Variants in BLK observed in about 807,000 individuals in gnomAD.
BLK encodes tyrosine-protein kinase Blk.
BLK carries 64 observed loss-of-function variants against 61.8 expected under a neutral mutation model. That is an observed-to-expected ratio of 1.03 (90% CI 0.85 to 1.27). The LOEUF is 1.27. Ranked by LOEUF, BLK falls within the 50% of genes most tolerant of loss-of-function variation. The pLI is 0.00. For missense variants in BLK, 853 were observed against 660.5 expected (o/e 1.29, Z -3.19); for synonymous variants, 351 against 272.0 (o/e 1.29, Z -2.86).
intron 9 of BLK, among the ~76,000 whole-genome samples, chr8:11,557,485 C>A (rs1801290372): frequency 6.6e-6 from 1 of 152,232 alleles, no homozygotes; most frequent in African/African-American, 2.4e-5. Flanking sequence ...CTTTCTGATT[C>A]CAGGGGGAGC....
At chr8:11,512,198 G>A (rs1799037582) in intron 1 of BLK, among the ~76,000 whole-genome samples, 1 of 152,218 alleles carries the variant, frequency 6.6e-6, no homozygotes. Flanking sequence ...AAGAAGGGAT[G>A]ACTTAATGGG....
In BLK at chr8:11,563,050, G is replaced by A. The variant is rs373565757; in HGVS notation, c.1252G>A (p.Val418Met). ...HFGVFTIKADVWSFGVLLMEV... is the reference protein window; with the variant it reads ...HFGVFTIKADMWSFGVLLMEV... ...CGGGGTCTTCACCATCAAAGCAGAC[G>A]TGTGGTCGTTTGGAGTCCTCCTGAT... is the stretch of plus-strand genomic sequence containing the variant. Residue 418 changes from valine to methionine, a missense_variant, in exon 12 of 13, where the codon GTG becomes ATG. Coordinates refer to ENST00000259089, the MANE Select transcript of BLK (RefSeq NM_001715.3). 1.2e-5 allele frequency: 19 copies of A among 1,614,156 alleles called. No individual in the cohort carries two copies. Among genetic ancestry groups the A allele is most frequent in the Admixed American group, 1.7e-5 (1 of 60,030 alleles).
At chr8:11,527,886 C>T (rs1799725713) in intron 1 of BLK, among the ~76,000 whole-genome samples, 2 of 152,082 alleles carry the variant, frequency 1.3e-5, no homozygotes, top group Admixed American at 1.3e-4. Context: ...CACATGACTC[C>T]TGAGCAGTAA....
At chr8:11,513,024 ATTAT>A (rs1799078747) in intron 1 of BLK, among the ~76,000 whole-genome samples, 1 of 152,348 alleles carries the variant, frequency 6.6e-6, no homozygotes, top group Non-Finnish European at 1.5e-5. Context: ...TTCTAAAAGA[ATTAT>A]TTATTCATGG....
At chr8:11,520,894 T>G (rs939061352) in intron 1 of BLK, among the ~76,000 whole-genome samples, 2 of 152,140 alleles carry the variant, frequency 1.3e-5, no homozygotes, top group Non-Finnish European at 2.9e-5. Context: ...GCAATGCCAA[T>G]TCTCCAAAAA....
At chr8:11,563,243 G>C in intron 12 of BLK, 133 bp downstream of exon 12, 1 of 1,336,064 alleles carries the variant, frequency 7.5e-7, no homozygotes, top group African/African-American at 1.5e-5. Context: ...GGAGACCCAG[G>C]CATGGCATCT....
chr8:11,549,252 G>A (rs1585398657), intron 5 of BLK, 130 bp downstream of exon 5: 2 of 823,482 alleles, frequency 2.4e-6, no homozygotes, highest in East Asian at 5.3e-5. Flanking sequence ...GAGGGGACAG[G>A]AAATGAGCTC....
Position 11,564,200 on chromosome 8 carries a change from G to C in BLK, c.*92G>C, listed in dbSNP as rs14053. The C allele has an allele frequency of 0.013, 18,099 of 1,427,282 alleles. 790 individuals carry two copies. In the African/African-American group the frequency reaches 0.14, roughly 11 times the overall value. 88.4% of individuals were successfully genotyped at this position (1,427,282 alleles called of 1,614,324 possible). A position where few individuals can be genotyped will look rare whatever the true frequency, so the allele number is the denominator to read the frequency against. On this transcript the variant is annotated 3_prime_UTR_variant, in exon 13 of 13. Coordinates refer to ENST00000259089, the MANE Select transcript of BLK (RefSeq NM_001715.3). Reference sequence around the variant, plus strand: ...AGACGGGCCGCGAAGGCGGGGTGTCGCCTGTGCCCTTTTCTCAGACCCGGA... The same window carrying C: ...AGACGGGCCGCGAAGGCGGGGTGTCCCCTGTGCCCTTTTCTCAGACCCGGA...
intron 1 of BLK, among the ~76,000 whole-genome samples, chr8:11,522,218 C>A (rs1319903352): frequency 6.6e-6 from 1 of 151,966 alleles, no homozygotes; most frequent in African/African-American, 2.4e-5. Flanking sequence ...TCTAAATGGT[C>A]AAAATATATG....
At position 11,555,405 on chromosome 8, in the gene BLK, G is replaced by T. The variant is rs111642844; in HGVS notation, c.693G>T (p.Gln231His). The T allele has an allele frequency of 6.2e-7, 1 of 1,614,190 alleles. No individual in the cohort carries two copies. Among genetic ancestry groups the T allele is most frequent in the Non-Finnish European group, 8.5e-7 (1 of 1,180,034 alleles). ...CGGCCCCGCAGAATCCCTGGGCCCA[G>T]GATGAATGGGAGATCCCCCGGCAGT... is the stretch of plus-strand genomic sequence containing the variant. Reference protein sequence around the residue: ...VRPAPQNPWAQDEWEIPRQSL... With the variant: ...VRPAPQNPWAHDEWEIPRQSL... The change falls in exon 8 of 13, where the codon CAG (glutamine) becomes CAT (histidine). Residue 231 changes from glutamine to histidine, a missense_variant. By Grantham distance (24) the Gln-to-His change is conservative. Coordinates refer to ENST00000259089, the MANE Select transcript of BLK (RefSeq NM_001715.3).
At chr8:11,540,796 A>C (rs1340779185) in intron 1 of BLK, among the ~76,000 whole-genome samples, 1 of 151,868 alleles carries the variant, frequency 6.6e-6, no homozygotes, top group Admixed American at 6.6e-5. Flanking sequence ...TTCACAACTG[A>C]GTTCTATTTA....
At position 11,542,667 on chromosome 8, in the gene BLK, T is replaced by A. The variant is rs774065342; in HGVS notation, c.-1-557T>A. ...CCTTTAAGGAGACCCCTGATATTAC[T>A]GTGAGGCCACAGCTAGGCCTCGATG... is the stretch of plus-strand genomic sequence containing the variant. On this transcript the variant is annotated intron_variant, in intron 1 of 12. Transcript: ENST00000259089. 2.0e-5 allele frequency among the ~76,000 whole-genome samples: 3 copies of A among 152,326 alleles called. No individual in the cohort carries two copies. In the East Asian group the frequency reaches 5.8e-4, roughly 29 times the overall value.
rs1262731598 is a variant in BLK at position 11,564,389 on chromosome 8, C to T, written c.*281C>T. Reference sequence around the variant, plus strand: ...GAGTACTAAGCCCCAGTAAGGTGTTCAGGACTGGTAAGCGACTGTCATCAA... The same window carrying T: ...GAGTACTAAGCCCCAGTAAGGTGTTTAGGACTGGTAAGCGACTGTCATCAA... On this transcript the variant is annotated 3_prime_UTR_variant, in exon 13 of 13. Coordinates refer to ENST00000259089, the MANE Select transcript of BLK (RefSeq NM_001715.3). 1 of 662,584 alleles carries T rather than the reference C, an allele frequency of 1.5e-6. No individual in the cohort carries two copies. The highest frequency in any genetic ancestry group is 2.9e-5 in the East Asian group (1 of 34,020). The allele number at this position is 662,584 out of a possible 1,614,324, so 41.0% of individuals were successfully genotyped here. A position where few individuals can be genotyped will look rare whatever the true frequency, so the allele number is the denominator to read the frequency against.
chr8:11,540,157 A>T (rs913242187), intron 1 of BLK, among the ~76,000 whole-genome samples: 2 of 151,208 alleles, frequency 1.3e-5, no homozygotes, highest in Non-Finnish European at 3.0e-5. Flanking sequence ...TTTTAATTAC[A>T]TTTTTGTTTT....
chr8:11,553,406 C>T, intron 6 of BLK: 1 of 452,006 alleles, frequency 2.2e-6, no homozygotes, highest in Non-Finnish European at 4.4e-6. Context: ...GAAACTGAAG[C>T]TGATAGGATC....
intron 1 of BLK, among the ~76,000 whole-genome samples, chr8:11,520,290 A>G (rs1799390412): frequency 1.3e-5 from 2 of 151,998 alleles, no homozygotes; most frequent in African/African-American, 2.4e-5. Context: ...CAGTGTGGTC[A>G]ACATGGTGAA....
Position 11,494,521 on chromosome 8 carries a change from G to A in BLK, c.-72G>A, listed in dbSNP as rs1798292641. On this transcript the variant is annotated 5_prime_UTR_variant, in exon 1 of 13. It removes the in-frame stop codon of an upstream open reading frame in the 5' UTR. Transcript: ENST00000259089. ...TGTTGGAAGTTGCTCGTTGTCGCTA[G>A]GAGCCTGCTCCACTGTAAGGGTGTC... 1 of 152,266 alleles carries A rather than the reference G, an allele frequency of 6.6e-6. No individual in the cohort carries two copies. The highest frequency in any genetic ancestry group is 1.5e-5 in the Non-Finnish European group (1 of 68,064). The allele number at this position is 152,266 out of a possible 1,614,324, so 9.4% of individuals were successfully genotyped here. A position where few individuals can be genotyped will look rare whatever the true frequency, so the allele number is the denominator to read the frequency against.
intron 1 of BLK, among the ~76,000 whole-genome samples, chr8:11,495,545 C>G (rs759200224): frequency 6.6e-6 from 1 of 152,158 alleles, no homozygotes; most frequent in Non-Finnish European, 1.5e-5. Flanking sequence ...TTCTTCCCAC[C>G]AACTCATAAC....
chr8:11,524,146 T>C (rs999236803), intron 1 of BLK, among the ~76,000 whole-genome samples: 1 of 152,220 alleles, frequency 6.6e-6, no homozygotes, highest in Non-Finnish European at 1.5e-5. Context: ...GGTAAATTTG[T>C]ACAATAGCAT....
Sources: allele counts gnomAD v4.1 joint callset (sites outside exome capture counted in the v4.1 genomes callset), GRCh38; gene constraint gnomAD v4.1.1; transcripts MANE v1.5; gene names NCBI Gene and HGNC (gene_info 2026-07-23, HGNC 2026-07-21).